DTX2: variants seen among roughly 807,000 people sequenced by gnomAD.
DTX2 encodes deltex E3 ubiquitin ligase 2.
A neutral mutation model predicts 55.3 loss-of-function variants in DTX2; 29 were observed. That is an observed-to-expected ratio of 0.52 (90% CI 0.39 to 0.71). DTX2 has a LOEUF of 0.71. Ranked by LOEUF, DTX2 falls within the 30% of genes least tolerant of loss-of-function variation. The probability of loss-of-function intolerance (pLI) is 0.00; values close to 1 mark genes in which losing one functional copy is unlikely to be tolerated. For missense variants in DTX2, 537 were observed against 822.5 expected (o/e 0.65, Z 4.25); for synonymous variants, 276 against 340.4 (o/e 0.81, Z 2.08).
At chr7:76,495,748 CAG>C (rs1187864761) in intron 5 of DTX2, among the ~76,000 whole-genome samples, 1 of 151,802 alleles carries the variant, frequency 6.6e-6, no homozygotes, top group Non-Finnish European at 1.5e-5. Context: ...TCCATAGAAA[CAG>C]AGGGGAGTGC....
Position 76,505,956 on chromosome 7 carries a change from C to T in DTX2, c.*355C>T, listed in dbSNP as rs1346124936. ...TGGGTTCTGGGTCAGCTTCTTTTAC[C>T]TCAATTTTGTTTGCAATAAATGCTC... On this transcript the variant is annotated 3_prime_UTR_variant, in exon 11 of 11. Coordinates refer to ENST00000430490, the MANE Select transcript of DTX2 (RefSeq NM_001102594.3). The surrounding 1 kb of genome is among the most constrained non-coding windows in gnomAD (Gnocchi z 4.4). The T allele has an allele frequency of 4.7e-6, 2 of 421,582 alleles. No homozygotes were observed. The highest frequency in any genetic ancestry group is 4.0e-5 in the African/African-American group (2 of 50,014). The allele number at this position is 421,582 out of a possible 1,614,324, so 26.1% of individuals were successfully genotyped here.
chr7:76,467,877 T>C (rs1807347313), intron 2 of DTX2, among the ~76,000 whole-genome samples: 1 of 152,198 alleles, frequency 6.6e-6, no homozygotes, highest in Non-Finnish European at 1.5e-5. Flanking sequence ...ACAAGTGCGA[T>C]GGGCATTCTC....
At chr7:76,482,163 G>A (rs1809303942) in intron 3 of DTX2, among the ~76,000 whole-genome samples, 1 of 151,700 alleles carries the variant, frequency 6.6e-6, no homozygotes, top group South Asian at 2.1e-4. Flanking sequence ...AGCAGGAAGT[G>A]TTAATCGGGG....
Position 76,482,505 on chromosome 7 carries a change from T to C in DTX2, c.269-3T>C, listed in dbSNP as rs750239426. The C allele has an allele frequency of 2.5e-6, 4 of 1,573,544 alleles. No homozygotes were observed. Among genetic ancestry groups the C allele is most frequent in the African/African-American group, 1.4e-5 (1 of 73,626 alleles). On this transcript the variant is annotated splice_region_variant and splice_polypyrimidine_tract_variant and intron_variant, in intron 3 of 10. Transcript: ENST00000430490. ...CTAACCTTTTGTTTTCCTTTGAAAA[T>C]AGGCACCATGCGGGCTGTGCGGAGA... is the stretch of plus-strand genomic sequence containing the variant.
rs1215574206 is a variant in DTX2, at chr7:76,505,821, G to T, written c.*220G>T. ...AGTTGTACTCATGGGGGCTTAGGAT[G>T]CAGCTACCTCAGTGCGCAGGGCCCG... is the stretch of plus-strand genomic sequence containing the variant. On this transcript the variant is annotated 3_prime_UTR_variant, in exon 11 of 11. Transcript: ENST00000430490. The surrounding 1 kb of genome is among the most constrained non-coding windows in gnomAD (Gnocchi z 4.4). The T allele has an allele frequency of 3.3e-6, 2 of 611,566 alleles. No homozygotes were observed. Among genetic ancestry groups the T allele is most frequent in the East Asian group, 2.8e-5 (1 of 36,218 alleles). The allele number at this position is 611,566 out of a possible 1,614,324, so 37.9% of individuals were successfully genotyped here. A position where few individuals can be genotyped will look rare whatever the true frequency, so the allele number is the denominator to read the frequency against.
Position 76,482,943 on chromosome 7 carries a change from C to T in DTX2, c.704C>T (p.Ala235Val), listed in dbSNP as rs769421747. 2 of 1,613,876 alleles carry T rather than the reference C, an allele frequency of 1.2e-6. No homozygotes were observed. Among genetic ancestry groups the T allele is most frequent in the Admixed American group, 3.3e-5 (2 of 60,014 alleles). ...CCCCAGCACCCCCCACACAGGACCGCTTCTGTGTTTGGGACCCACCAGGCC... is the reference window on the plus strand; with the variant it reads ...CCCCAGCACCCCCCACACAGGACCGTTTCTGTGTTTGGGACCCACCAGGCC... ...PVPQHPPHRTASVFGTHQAFA... is the reference protein window; with the variant it reads ...PVPQHPPHRTVSVFGTHQAFA... The change falls in exon 4 of 11, where the codon GCT becomes GTT. Residue 235 changes from alanine to valine, a missense_variant. By Grantham distance (64) the Ala-to-Val change is moderately conservative (BLOSUM62 0). This residue lies in a region of DTX2 where 301 missense variants were observed against 396.6 expected (regional missense o/e 0.76). Transcript: ENST00000430490.
chr7:76,471,768 G>A (rs561788141), intron 2 of DTX2, among the ~76,000 whole-genome samples: 115 of 151,240 alleles, frequency 7.6e-4, no homozygotes, highest in South Asian at 1.5e-3. Context: ...GGGTAGGCCC[G>A]TAAACCAGGG....
At chr7:76,482,451 G>A (rs1809338972) in intron 3 of DTX2, 57 bp from the exon 4 acceptor site, 20 of 1,510,684 alleles carry the variant, frequency 1.3e-5, no homozygotes, top group Admixed American at 2.2e-5. Context: ...GAATTTGAAC[G>A]TTCCCTGTAT....
intron 2 of DTX2, among the ~76,000 whole-genome samples, chr7:76,469,875 C>T (rs1807690119): frequency 6.6e-6 from 1 of 151,450 alleles, no homozygotes; most frequent in Non-Finnish European, 1.5e-5. Flanking sequence ...TGCATGTCTT[C>T]TGGTGACTCA....
intron 1 of DTX2, among the ~76,000 whole-genome samples, chr7:76,463,147 T>C (rs1806784397): frequency 6.6e-6 from 1 of 150,496 alleles, no homozygotes; most frequent in Non-Finnish European, 1.5e-5. Context: ...GCGTGGTGAC[T>C]CGAGCCTATA....
At chr7:76,488,896 A>G (rs200339465) in intron 4 of DTX2, among the ~76,000 whole-genome samples, 13 of 89,578 alleles carry the variant, frequency 1.5e-4, no homozygotes, top group Non-Finnish European at 2.2e-4. Context: ...AGACTCCGAG[A>G]AAAAAAAAAA....
Position 76,480,719 on chromosome 7 carries a change from C to G in DTX2, c.210C>G (p.Pro70=), listed in dbSNP as rs755207175. The part of the protein sequence containing the change: ...AHSIPLGQAD[P]SLAPYIIDLP... Reference sequence around the variant, plus strand: ...GCATCCCCTTGGGCCAGGCAGACCCCTCGCTGGCCCCTTACATTATTGACC... The same window carrying G: ...GCATCCCCTTGGGCCAGGCAGACCCGTCGCTGGCCCCTTACATTATTGACC... Residue 70 remains proline, a synonymous_variant, in exon 3 of 11, where the codon CCC becomes CCG. Transcript: ENST00000430490. The G allele has an allele frequency of 2.7e-5, 44 of 1,613,260 alleles. No individual in the cohort carries two copies. Among genetic ancestry groups the G allele is most frequent in the Non-Finnish European group, 3.5e-5 (41 of 1,179,608 alleles).
intron 9 of DTX2, 90 bp downstream of exon 9, chr7:76,503,677 GGATGCCCATGTGGCCAAGCTCAGGC>G: frequency 8.0e-7 from 1 of 1,246,356 alleles, no homozygotes; most frequent in East Asian, 2.5e-5. Context: ...TCAAGGCTGA[GGATGCCCATGTGGCCAAGCTCAGGC>G]CCCCAGGTCC....
At chr7:76,469,390 A>G (rs1027236764) in intron 2 of DTX2, among the ~76,000 whole-genome samples, 3 of 105,832 alleles carry the variant, frequency 2.8e-5, no homozygotes, top group East Asian at 5.9e-4. Flanking sequence ...TACTGTGAAT[A>G]TTCCTTTTTT....
intron 9 of DTX2, among the ~76,000 whole-genome samples, chr7:76,503,822 C>T (rs1490399073): frequency 6.6e-6 from 1 of 150,490 alleles, no homozygotes; most frequent in Non-Finnish European, 1.5e-5. Flanking sequence ...TTTCCTGAAC[C>T]AAGGAAGCCT....
rs556099717 is a variant in DTX2 at position 76,504,969 on chromosome 7, G to A, written c.1642-405G>A. Among the ~76,000 whole-genome samples the A allele has an allele frequency of 8.6e-4, 130 of 151,216 alleles. 2 individuals are homozygous for A. Among genetic ancestry groups the A allele is most frequent in the East Asian group, 2.0e-4 (1 of 5,082 alleles). On this transcript the variant is annotated intron_variant, in intron 10 of 10. Coordinates refer to ENST00000430490, the MANE Select transcript of DTX2 (RefSeq NM_001102594.3). ...ATGGAGCTTTGGAAAAGCTCTGGCC[G>A]TGTGAGAATGGGCTTGAGGTGGCGG...
rs1427667135 is a variant in DTX2, at chr7:76,496,150, C to T, written c.1010-1187C>T. Among the ~76,000 whole-genome samples the T allele has an allele frequency of 3.5e-5, 3 of 84,620 alleles. 1 individual carries two copies. Among genetic ancestry groups the T allele is most frequent in the Non-Finnish European group, 7.1e-5 (3 of 42,194 alleles). The allele number at this position is 84,620 out of a possible 152,430, so 55.5% of individuals were successfully genotyped here. ...CTGCTGAGGGCCACTGCAACTCACC[C>T]TGCCCACCTCGGCTCTGCTGCCCAG... is the stretch of plus-strand genomic sequence containing the variant. On this transcript the variant is annotated intron_variant, in intron 5 of 10. Coordinates refer to ENST00000430490, the MANE Select transcript of DTX2 (RefSeq NM_001102594.3).
chr7:76,489,490 G>A (rs1810197547), intron 4 of DTX2, among the ~76,000 whole-genome samples: 1 of 39,710 alleles, frequency 2.5e-5, no homozygotes, highest in African/African-American at 1.3e-4. Context: ...CTACCGGCAT[G>A]ACCCTACCTC....
At chr7:76,499,542 G>A (rs1441689930) in intron 6 of DTX2, among the ~76,000 whole-genome samples, 3 of 151,234 alleles carry the variant, frequency 2.0e-5, no homozygotes, top group South Asian at 4.2e-4. Context: ...TGGGACGACC[G>A]CAGCCCCACC....
Sources: allele counts gnomAD v4.1 joint callset (sites outside exome capture counted in the v4.1 genomes callset), GRCh38; gene constraint gnomAD v4.1.1; regional missense constraint gnomAD v4.1.1; non-coding constraint Gnocchi (gnomAD v3.1); transcripts MANE v1.5; gene names NCBI Gene and HGNC (gene_info 2026-07-23, HGNC 2026-07-21).